NKAIN2: variants seen among roughly 807,000 people sequenced by gnomAD.
NKAIN2 encodes sodium/potassium-transporting ATPase subunit beta-1-interacting protein 2.
Under a neutral mutation model 32.6 loss-of-function variants are expected in NKAIN2, and 14 were observed. The observed-to-expected ratio is 0.43, with a 90% CI of 0.28 to 0.67. The LOEUF (loss-of-function observed/expected upper bound fraction) is 0.67. NKAIN2 is among the 30% of genes least tolerant of loss of function. The pLI is 0.17. For missense variants in NKAIN2, 198 were observed against 258.3 expected (o/e 0.77, Z 1.60); for synonymous variants, 80 against 87.2 (o/e 0.92, Z 0.46).
At chr6:124,666,572 A>G (rs1401983564) in intron 4 of NKAIN2, among the ~76,000 whole-genome samples, 2 of 152,182 alleles carry the variant, frequency 1.3e-5, no homozygotes, top group Admixed American at 1.3e-4. Context: ...TTGGAGTGTA[A>G]CACCTTGATT....
At chr6:124,560,350 A>T (rs993174318) in intron 3 of NKAIN2, among the ~76,000 whole-genome samples, 5 of 152,106 alleles carry the variant, frequency 3.3e-5, no homozygotes, top group African/African-American at 1.2e-4. Flanking sequence ...TTCTGCCATG[A>T]TTGTAAGTTT....
chr6:124,195,810 G>T (rs1790286975), intron 1 of NKAIN2, among the ~76,000 whole-genome samples: 1 of 151,796 alleles, frequency 6.6e-6, no homozygotes, highest in Admixed American at 6.6e-5. Flanking sequence ...TTGTTGCGGT[G>T]TTTTTTAAAT....
intron 2 of NKAIN2, among the ~76,000 whole-genome samples, chr6:124,304,330 T>A (rs1796421845): frequency 6.6e-6 from 1 of 152,218 alleles, no homozygotes; most frequent in African/African-American, 2.4e-5. Flanking sequence ...TAATCCGTTT[T>A]CAGTCATATA....
At chr6:124,324,248 G>A (rs1047433630) in intron 2 of NKAIN2, among the ~76,000 whole-genome samples, 1 of 152,144 alleles carries the variant, frequency 6.6e-6, no homozygotes, top group Non-Finnish European at 1.5e-5. Flanking sequence ...AACATGGTAT[G>A]TCTCTTCATT....
intron 6 of NKAIN2, among the ~76,000 whole-genome samples, chr6:124,819,637 TG>T (rs1781314065): frequency 1.3e-5 from 2 of 152,206 alleles, no homozygotes. Context: ...ATCCTCCATA[TG>T]GCTGCCAAAT....
chr6:124,476,397 CTGTGTGTGTGTGTG>C (rs56691516), intron 3 of NKAIN2, among the ~76,000 whole-genome samples: 72,025 of 137,876 alleles, frequency 0.52, 17,851 homozygotes, highest in East Asian at 0.68. Context: ...ATGTATGTGA[CTGTGTGTGTGTGTG>C]TGTGTGTGTG....
At chr6:123,876,332 TA>T (rs1773169206) in intron 1 of NKAIN2, among the ~76,000 whole-genome samples, 1 of 152,236 alleles carries the variant, frequency 6.6e-6, no homozygotes, top group Admixed American at 6.5e-5. Flanking sequence ...ATTTTTCAGC[TA>T]TTTAGATTAT....
At position 124,174,013 on chromosome 6, in the gene NKAIN2, G is replaced by T. The variant is rs577231709; in HGVS notation, c.55-108992G>T. On this transcript the variant is annotated intron_variant, in intron 1 of 6. Coordinates refer to ENST00000368417, the MANE Select transcript of NKAIN2 (RefSeq NM_001040214.3). Reference sequence around the variant, plus strand: ...ATGCAATAGGGATTTTGTTTATCTGGCCATTTTGAGGCAAGAAGGGATATT... The same window carrying T: ...ATGCAATAGGGATTTTGTTTATCTGTCCATTTTGAGGCAAGAAGGGATATT... 2.0e-5 allele frequency among the ~76,000 whole-genome samples: 3 copies of T among 152,108 alleles called. No homozygotes were observed. In the South Asian group the frequency reaches 6.2e-4, roughly 32 times the overall value.
intron 4 of NKAIN2, among the ~76,000 whole-genome samples, chr6:124,712,537 C>A (rs1775544400): frequency 8.6e-6 from 1 of 115,868 alleles, no homozygotes. Context: ...GTTTTTTAAG[C>A]CCGTCGGAAA....
At chr6:124,534,278 G>A (rs1322295457) in intron 3 of NKAIN2, among the ~76,000 whole-genome samples, 1 of 152,032 alleles carries the variant, frequency 6.6e-6, no homozygotes, top group East Asian at 1.9e-4. Flanking sequence ...AGCCTCTTGA[G>A]TAGCTGAGAT....
chr6:124,125,878 G>A (rs1356001890), intron 1 of NKAIN2, among the ~76,000 whole-genome samples: 1 of 152,034 alleles, frequency 6.6e-6, no homozygotes, highest in Admixed American at 6.6e-5. Flanking sequence ...GCATTCTCAG[G>A]AGCATTCACA....
intron 1 of NKAIN2, among the ~76,000 whole-genome samples, chr6:124,124,378 A>G (rs1269908100): frequency 6.6e-6 from 1 of 152,114 alleles, no homozygotes; most frequent in African/African-American, 2.4e-5. Context: ...ACACAGCATT[A>G]ATGGGAAATT....
chr6:124,226,361 C>T (rs188890443), intron 1 of NKAIN2, among the ~76,000 whole-genome samples: 1 of 152,090 alleles, frequency 6.6e-6, no homozygotes, highest in East Asian at 1.9e-4. Flanking sequence ...TACATATTTT[C>T]AAGAAGCACA....
intron 2 of NKAIN2, among the ~76,000 whole-genome samples, chr6:124,302,604 C>A (rs1198646445): frequency 6.6e-6 from 1 of 152,004 alleles, no homozygotes; most frequent in East Asian, 1.9e-4. Flanking sequence ...CTTATATTAT[C>A]TTCAGGTGAA....
chr6:124,607,341 C>G (rs560045900), intron 3 of NKAIN2, among the ~76,000 whole-genome samples: 2 of 152,166 alleles, frequency 1.3e-5, no homozygotes, highest in Non-Finnish European at 2.9e-5. Flanking sequence ...GTTCAGAGAG[C>G]TCCACCCAGA....
rs1009862764 is a variant in NKAIN2 at position 123,916,971 on chromosome 6, C to T, written c.54+112717C>T. On this transcript the variant is annotated intron_variant, in intron 1 of 6. Transcript: ENST00000368417. ...AAGACCTGATGTCAATGTCAAAAGT[C>T]AGTCCTCTTCAAAACATTTTAAATT... 1.2e-4 allele frequency among the ~76,000 whole-genome samples: 19 copies of T among 152,106 alleles called. No homozygotes were observed. The East Asian group carries it at 3.3e-3, about 26-fold the overall frequency.
intron 1 of NKAIN2, among the ~76,000 whole-genome samples, chr6:124,060,893 T>C (rs747729865): frequency 7.2e-5 from 11 of 151,976 alleles, no homozygotes; most frequent in Non-Finnish European, 1.3e-4. Context: ...TAAAATGTCA[T>C]CCAGCAATGG....
At chr6:124,384,617 C>T (rs577459407) in intron 3 of NKAIN2, among the ~76,000 whole-genome samples, 17 of 147,974 alleles carry the variant, frequency 1.1e-4, no homozygotes, top group African/African-American at 3.4e-4. Context: ...GTTTGACTCT[C>T]TTGCACACTT....
chr6:124,420,721 A>T (rs1263364703), intron 3 of NKAIN2, among the ~76,000 whole-genome samples: 1 of 152,128 alleles, frequency 6.6e-6, no homozygotes, highest in South Asian at 2.1e-4. Flanking sequence ...CACATCAAAG[A>T]CATCCAAAGA....
Sources: allele counts gnomAD v4.1 joint callset (sites outside exome capture counted in the v4.1 genomes callset), GRCh38; gene constraint gnomAD v4.1.1; transcripts MANE v1.5; gene names NCBI Gene and HGNC (gene_info 2026-07-23, HGNC 2026-07-21).